Variants in CR2 observed in about 807,000 individuals in gnomAD.
CR2 encodes the protein complement C3d receptor 2, also known as complement receptor type 2.
A neutral mutation model predicts 123.0 loss-of-function variants in CR2; 96 were observed. That is an observed-to-expected ratio of 0.78 (90% confidence interval 0.66 to 0.93). The LOEUF is 0.93. CR2 is among the 40% of genes least tolerant of loss of function. CR2 has a pLI of 0.00. For synonymous variants in CR2, 484 were observed against 469.5 expected (o/e 1.03, Z -0.40); for missense variants, 1,258 against 1,361.0 (o/e 0.92, Z 1.19).
chr1:207,471,176 G>T, intron 8 of CR2, 89 bp downstream of exon 8: 1 of 1,301,832 alleles, frequency 7.7e-7, no homozygotes, highest in Non-Finnish European at 1.1e-6. Flanking sequence ...AGTACACCCT[G>T]CAAGCTCTAT....
chr1:207,473,577 C>A lies in CR2; in HGVS notation c.2011C>A (p.Arg671Ser). 2 of 1,613,844 alleles carry A rather than the reference C, an allele frequency of 1.2e-6. No homozygotes were observed. Among genetic ancestry groups the A allele is most frequent in the South Asian group, 1.1e-5 (1 of 91,064 alleles). ...GTCACCTCCTGGGCTCCACCATGGT[C>A]GTCATACAGGTGGAAATACGGTCTT... ...CQSPPGLHHG[R>S]HTGGNTVFFV... Residue 671 changes from arginine to serine, a missense_variant, in exon 11 of 20, where the codon CGT becomes AGT. By Grantham distance (110) the Arg-to-Ser change is moderately radical. Coordinates refer to ENST00000367057, the MANE Select transcript of CR2 (RefSeq NM_001006658.3).
chr1:207,481,163 T>C (rs1449417872), intron 18 of CR2, among the ~76,000 whole-genome samples: 3 of 152,108 alleles, frequency 2.0e-5, no homozygotes, highest in Non-Finnish European at 4.4e-5. Flanking sequence ...TTTTTAATTA[T>C]TTTTAAACAT....
chr1:207,463,720 T>C (rs1219620637), intron 1 of CR2, among the ~76,000 whole-genome samples: 1 of 152,158 alleles, frequency 6.6e-6, no homozygotes, highest in African/African-American at 2.4e-5. Flanking sequence ...GCCGCGAGAT[T>C]TCTTATCTCT....
At chr1:207,488,692 C>T (rs1202194411) in intron 19 of CR2, among the ~76,000 whole-genome samples, 1 of 152,078 alleles carries the variant, frequency 6.6e-6, no homozygotes, top group African/African-American at 2.4e-5. Flanking sequence ...ATAAATAAGA[C>T]CCATAAATAT....
At position 207,470,791 on chromosome 1, in the gene CR2, T is replaced by C. The variant is rs1658252247; in HGVS notation, c.1277T>C (p.Met426Thr). Residue 426 changes from methionine (M) to threonine (T), a missense_variant, in exon 7 of 20, where the codon ATG becomes ACG. Physicochemically the swap from Met to Thr is moderately conservative, Grantham distance 81. Transcript: ENST00000367057. ...AATGGGCAAAAGGAAGATAGACACATGGTCCGCTTTGACCCTGGAACATCT... is the reference window on the plus strand; with the variant it reads ...AATGGGCAAAAGGAAGATAGACACACGGTCCGCTTTGACCCTGGAACATCT... ...ILNGQKEDRH[M>T]VRFDPGTSIK... 6.2e-7 allele frequency: 1 copy of C among 1,613,812 alleles called. No individual in the cohort carries two copies. Among genetic ancestry groups the C allele is most frequent in the East Asian group, 2.2e-5 (1 of 44,890 alleles).
At chr1:207,459,640 A>G (rs575137013) in intron 1 of CR2, among the ~76,000 whole-genome samples, 1 of 152,278 alleles carries the variant, frequency 6.6e-6, no homozygotes, top group South Asian at 2.1e-4. Context: ...AGTTTTAAAC[A>G]TGGTTGGAAG....
At position 207,470,093 on chromosome 1, in the gene CR2, T is replaced by C; in HGVS notation, c.1216T>C (p.Cys406Arg). 6.2e-7 allele frequency: 1 copy of C among 1,613,658 alleles called. No individual in the cohort carries two copies. Among genetic ancestry groups the C allele is most frequent in the East Asian group, 2.2e-5 (1 of 44,878 alleles). ...CACATGGGAGCCATCTGCACCAGTC[T>C]GTGAAAAGGGTGAGTGTTCCGGTAC... ...QGTWEPSAPV[C>R]EKECQAPPNI... The change falls in exon 6 of 20, where the codon TGT becomes CGT. Residue 406 changes from cysteine (C) to arginine (R), a missense_variant. Coordinates refer to ENST00000367057, the MANE Select transcript of CR2 (RefSeq NM_001006658.3).
chr1:207,467,988 G>C (rs1658151369), intron 2 of CR2, among the ~76,000 whole-genome samples: 1 of 145,988 alleles, frequency 6.8e-6, no homozygotes, highest in South Asian at 2.1e-4. Context: ...ATAAGCTTAA[G>C]GATAGGGTGA....
At chr1:207,471,187 G>T in intron 8 of CR2, 100 bp downstream of exon 8, 1 of 1,213,936 alleles carries the variant, frequency 8.2e-7, no homozygotes, top group East Asian at 2.3e-5. Context: ...CAAGCTCTAT[G>T]TAAGAGTTTG....
intron 17 of CR2, among the ~76,000 whole-genome samples, chr1:207,479,646 C>T (rs561560325): frequency 3.0e-4 from 45 of 152,208 alleles, no homozygotes; most frequent in African/African-American, 7.9e-4. Context: ...GTGTCCTGTG[C>T]ACCTAATTTC....
At position 207,470,758 on chromosome 1, in the gene CR2, A is replaced by G; in HGVS notation, c.1244A>G (p.Asn415Ser). 1 of 1,613,792 alleles carries G rather than the reference A, an allele frequency of 6.2e-7. No homozygotes were observed. Among genetic ancestry groups the G allele is most frequent in the Non-Finnish European group, 8.5e-7 (1 of 1,179,806 alleles). Residue 415 changes from asparagine to serine, a missense_variant, in exon 7 of 20, where the codon AAC becomes AGC. Physicochemically the swap from Asn to Ser is conservative, Grantham distance 46 (BLOSUM62 1). Transcript: ENST00000367057. Reference sequence around the variant, plus strand: ...CATTTAGAATGCCAGGCCCCTCCTAACATCCTCAATGGGCAAAAGGAAGAT... The same window carrying G: ...CATTTAGAATGCCAGGCCCCTCCTAGCATCCTCAATGGGCAAAAGGAAGAT... Reference protein sequence around the residue: ...VCEKECQAPPNILNGQKEDRH... With the variant: ...VCEKECQAPPSILNGQKEDRH...
chr1:207,470,108 T>C lies in CR2; in HGVS notation c.1225+6T>C, dbSNP rs767997795. The stretch of plus-strand genomic sequence containing the variant: ...TGCACCAGTCTGTGAAAAGGGTGAG[T>C]GTTCCGGTACTCAGAAAAGGTGCTT... On this transcript the variant is annotated splice_donor_region_variant and intron_variant, in intron 6 of 19. Coordinates refer to ENST00000367057, the MANE Select transcript of CR2 (RefSeq NM_001006658.3). 9.9e-6 allele frequency: 16 copies of C among 1,613,138 alleles called. No individual in the cohort carries two copies. Among genetic ancestry groups the C allele is most frequent in the Admixed American group, 1.7e-5 (1 of 59,966 alleles).
At chr1:207,487,909 C>A (rs1572969322) in intron 19 of CR2, among the ~76,000 whole-genome samples, 1 of 152,180 alleles carries the variant, frequency 6.6e-6, no homozygotes, top group Non-Finnish European at 1.5e-5. Context: ...TCCGATGATT[C>A]AGTCTTCTCA....
chr1:207,473,682 CCTTCAGGAAATTG>C lies in CR2; in HGVS notation c.2117_2129del (p.Pro706ArgfsTer15). Reference sequence around the variant, plus strand: ...GGGAAACAAATCCATTCACTGTATGCCTTCAGGAAATTGGAGTCCTTCTGCCCCACGGTGTGAA... The same window carrying C: ...GGGAAACAAATCCATTCACTGTATGCGAGTCCTTCTGCCCCACGGTGTGAA... On this transcript the variant is annotated frameshift_variant, in exon 11 of 20. Coordinates refer to ENST00000367057, the MANE Select transcript of CR2 (RefSeq NM_001006658.3). LOFTEE classifies it high-confidence loss of function. 1 of 1,614,002 alleles carries C rather than the reference CCTTCAGGAAATTG, an allele frequency of 6.2e-7. No homozygotes were observed.
chr1:207,483,732 A>G (rs1313946262), intron 18 of CR2, among the ~76,000 whole-genome samples: 12 of 152,028 alleles, frequency 7.9e-5, no homozygotes, highest in Non-Finnish European at 1.2e-4. Context: ...CTAAAAGAGG[A>G]GAGGGGCAGG....
At chr1:207,469,112 C>T in intron 4 of CR2, 38 bp from the exon 5 acceptor site, 1 of 1,563,312 alleles carries the variant, frequency 6.4e-7, no homozygotes, top group Non-Finnish European at 8.8e-7. Context: ...TCAGCACAAA[C>T]TGCCTAATAG....
intron 19 of CR2, among the ~76,000 whole-genome samples, chr1:207,488,586 T>C (rs1174276706): frequency 1.3e-5 from 2 of 152,166 alleles, no homozygotes. Context: ...ATCACGCCAC[T>C]GCACTCCAGC....
intron 7 of CR2, 25 bp downstream of exon 7, chr1:207,470,941 T>C (rs1452917071): frequency 6.2e-7 from 1 of 1,613,658 alleles, no homozygotes; most frequent in Non-Finnish European, 8.5e-7. Flanking sequence ...ATGTAGACAT[T>C]TTGTTAACTT....
At position 207,472,892 on chromosome 1, in the gene CR2, T is replaced by A. The variant is rs1296902152; in HGVS notation, c.1691T>A (p.Val564Glu). The change falls in exon 10 of 20, where the codon GTG becomes GAG. Residue 564 changes from valine (V) to glutamate (E), a missense_variant. Transcript: ENST00000367057. ...YTCNPGPERGVEFSLIGESTI... is the reference protein window; with the variant it reads ...YTCNPGPERGEEFSLIGESTI... ...TGTAACCCTGGGCCAGAAAGAGGAG[T>A]GGAATTCAGCCTCATTGGAGAGAGC... The A allele has an allele frequency of 1.4e-5, 22 of 1,613,592 alleles. No homozygotes were observed. The highest frequency in any genetic ancestry group is 1.9e-5 in the Non-Finnish European group (22 of 1,179,918).
Sources: gnomAD v4.1 joint callset for allele counts (sites outside exome capture counted in the v4.1 genomes callset) on GRCh38, gnomAD v4.1.1 for gene constraint, MANE v1.5 for transcripts, NCBI Gene and HGNC (gene_info 2026-07-23, HGNC 2026-07-21) for gene names.